The following MMD variants were observed in gnomAD, a reference collection of about 807,000 sequenced individuals.
The protein encoded by MMD is monocyte to macrophage differentiation associated.
MMD carries 22 observed loss-of-function variants against 33.6 expected under a neutral mutation model. The observed-to-expected ratio is 0.66, with a 90% CI of 0.47 to 0.94. The LOEUF is 0.94. Ranked by LOEUF, MMD falls within the 40% of genes least tolerant of loss-of-function variation. The probability of loss-of-function intolerance (pLI) is 0.00; values close to 1 mark genes in which losing one functional copy is unlikely to be tolerated. For missense variants in MMD, 242 were observed against 309.8 expected, an observed-to-expected ratio of 0.78 and a Z score of 1.64; for synonymous variants, 97 against 103.2, an observed-to-expected ratio of 0.94 and a Z score of 0.36.
intron 5 of MMD, among the ~76,000 whole-genome samples, chr17:55,402,577 G>A (rs1381418171): frequency 1.3e-5 from 2 of 152,158 alleles, no homozygotes; most frequent in Non-Finnish European, 2.9e-5. Context: ...ATGGCCAAGG[G>A]TGACTCATAC....
At chr17:55,396,198 T>A (rs1054001156) in intron 6 of MMD, among the ~76,000 whole-genome samples, 1 of 152,230 alleles carries the variant, frequency 6.6e-6, no homozygotes, top group Non-Finnish European at 1.5e-5. Flanking sequence ...ACAGAATTTT[T>A]TTTTCATTAT....
Position 55,411,280 on chromosome 17 carries a change from T to C in MMD, c.246A>G (p.Val82=). 2 of 1,613,554 alleles carry C rather than the reference T, an allele frequency of 1.2e-6. No individual in the cohort carries two copies. Among genetic ancestry groups the C allele is most frequent in the East Asian group, 2.2e-5 (1 of 44,884 alleles). The change falls in exon 3 of 7, where the codon GTA becomes GTG. Residue 82 remains valine (V), a synonymous_variant. Transcript: ENST00000262065. ...LFIVSTVFHI[V]SWKKSHLRTV... ...ACCTTAAGTGGCTCTTTTTCCATGATACAATGTGAAATACTGTAGAAACGA... is the reference window on the plus strand; with the variant it reads ...ACCTTAAGTGGCTCTTTTTCCATGACACAATGTGAAATACTGTAGAAACGA...
chr17:55,395,030 T>G (rs1907048165), intron 6 of MMD, among the ~76,000 whole-genome samples: 1 of 152,236 alleles, frequency 6.6e-6, no homozygotes, highest in Non-Finnish European at 1.5e-5. Flanking sequence ...TATGTGAGCT[T>G]ATAGATTCCT....
chr17:55,415,372 T>C (rs1245100415), intron 1 of MMD, among the ~76,000 whole-genome samples: 2 of 152,034 alleles, frequency 1.3e-5, no homozygotes, highest in East Asian at 3.9e-4. Flanking sequence ...CTTTGCACAA[T>C]AAATAATCCT....
chr17:55,412,697 T>A (rs1193295180), intron 2 of MMD, among the ~76,000 whole-genome samples: 2 of 152,236 alleles, frequency 1.3e-5, no homozygotes. Flanking sequence ...GAAGTTTTCG[T>A]TGGCCCAAGC....
chr17:55,416,570 A>G (rs1907975354), intron 1 of MMD, among the ~76,000 whole-genome samples: 1 of 152,292 alleles, frequency 6.6e-6, no homozygotes, highest in South Asian at 2.1e-4. Flanking sequence ...GGAAAGTACA[A>G]TACAATTTTC....
chr17:55,404,962 T>C (rs1415958081), intron 4 of MMD, among the ~76,000 whole-genome samples: 3 of 152,088 alleles, frequency 2.0e-5, no homozygotes, highest in African/African-American at 7.2e-5. Flanking sequence ...CTAGGGAGGC[T>C]GAGGCAGGAG....
chr17:55,409,608 T>A (rs1373571080), intron 3 of MMD, among the ~76,000 whole-genome samples: 1 of 152,206 alleles, frequency 6.6e-6, no homozygotes, highest in African/African-American at 2.4e-5. Context: ...GCAAATTCCC[T>A]TCTCACTTTT....
Position 55,394,194 on chromosome 17 carries a change from A to G in MMD, c.*140T>C. On this transcript the variant is annotated 3_prime_UTR_variant, in exon 7 of 7. Coordinates refer to ENST00000262065, the MANE Select transcript of MMD (RefSeq NM_012329.3). ...GAAAATTCCAGAACACAGCCTTTAT[A>G]CTTTCACAGTAATTATATTCAAAAG... 1 of 635,260 alleles carries G rather than the reference A, an allele frequency of 1.6e-6. No homozygotes were observed. The highest frequency in any genetic ancestry group is 2.4e-6 in the Non-Finnish European group (1 of 412,138). 39.4% of individuals were successfully genotyped at this position (635,260 alleles called of 1,614,324 possible).
At position 55,421,768 on chromosome 17, in the gene MMD, T is replaced by C; in HGVS notation, c.-73A>G. The C allele has an allele frequency of 6.7e-7, 1 of 1,495,036 alleles. No homozygotes were observed. The highest frequency in any genetic ancestry group is 8.9e-7 in the Non-Finnish European group (1 of 1,121,618). 92.6% of individuals were successfully genotyped at this position (1,495,036 alleles called of 1,614,324 possible). On this transcript the variant is annotated 5_prime_UTR_variant, in exon 1 of 7. The change abolishes an upstream ATG in the 5' untranslated region. Coordinates refer to ENST00000262065, the MANE Select transcript of MMD (RefSeq NM_012329.3). ...CCGGCGGCCGGGCGCGCGGCCCTCA[T>C]GGGCTTGGGCTGCTCCGGAGGCCGC...
At chr17:55,406,196 A>G (rs1246129804) in intron 4 of MMD, among the ~76,000 whole-genome samples, 1 of 151,774 alleles carries the variant, frequency 6.6e-6, no homozygotes, top group Non-Finnish European at 1.5e-5. Context: ...GGAGTTTGAG[A>G]CCAGCCTGGG....
chr17:55,402,402 A>T (rs1239173931), intron 5 of MMD, among the ~76,000 whole-genome samples: 1 of 152,194 alleles, frequency 6.6e-6, no homozygotes, highest in East Asian at 1.9e-4. Context: ...AGATCTAAAA[A>T]CCCTAAGAAA....
chr17:55,414,334 G>A (rs1324236595), intron 1 of MMD, 102 bp from the exon 2 acceptor site: 2 of 1,096,422 alleles, frequency 1.8e-6, no homozygotes, highest in African/African-American at 1.6e-5. Flanking sequence ...GCAAAGAAGT[G>A]ACTGGTGGAA....
At position 55,404,530 on chromosome 17, in the gene MMD, A is replaced by G. The variant is rs188379476; in HGVS notation, c.345-662T>C. On this transcript the variant is annotated intron_variant, in intron 4 of 6. Transcript: ENST00000262065. Reference sequence around the variant, plus strand: ...TGTATTTGGGAGCAGATTACTTACAAACCTTAATGAGAAGAACCTGGAACA... The same window carrying G: ...TGTATTTGGGAGCAGATTACTTACAGACCTTAATGAGAAGAACCTGGAACA... The G allele has an allele frequency of 1.5e-4, 143 of 985,302 alleles. No homozygotes were observed. The Middle Eastern group carries it at 4.2e-3, about 29-fold the overall frequency. 61.0% of individuals were successfully genotyped at this position (985,302 alleles called of 1,614,324 possible).
chr17:55,411,506 C>T (rs975786830), intron 2 of MMD, 89 bp from the exon 3 acceptor site: 5 of 1,367,032 alleles, frequency 3.7e-6, no homozygotes, highest in East Asian at 2.5e-5. Flanking sequence ...TTACCAGGAA[C>T]AATTTTAGTA....
chr17:55,394,369 A>G lies in MMD; in HGVS notation c.682T>C (p.Tyr228His), dbSNP rs1299770600. The stretch of plus-strand genomic sequence containing the variant: ...CGCATAAAGTCCGTAGGACTTCGGT[A>G]AAGGTATTTCCAAATGGCGTAGTAA... The part of the protein sequence containing the change: ...VHYYAIWKYL[Y>H]RSPTDFMRHL Residue 228 changes from tyrosine (Y) to histidine (H), a missense_variant, in exon 7 of 7, where the codon TAC becomes CAC. Tyr to His is a moderately conservative substitution (Grantham distance 83, BLOSUM62 2). Coordinates refer to ENST00000262065, the MANE Select transcript of MMD (RefSeq NM_012329.3). 1 of 1,418,502 alleles carries G rather than the reference A, an allele frequency of 7.0e-7. No homozygotes were observed. The highest frequency in any genetic ancestry group is 9.2e-7 in the Non-Finnish European group (1 of 1,082,672). The allele number at this position is 1,418,502 out of a possible 1,614,324, so 87.9% of individuals were successfully genotyped here.
chr17:55,404,061 G>C (rs774522413), intron 4 of MMD, among the ~76,000 whole-genome samples, 193 bp from the exon 5 acceptor site: 24 of 152,126 alleles, frequency 1.6e-4, no homozygotes, highest in Non-Finnish European at 3.1e-4. Flanking sequence ...CGACCTTTAA[G>C]ACTCAGAATT....
intron 6 of MMD, 67 bp from the exon 7 acceptor site, chr17:55,394,601 G>C (rs1354604183): frequency 2.4e-6 from 3 of 1,236,492 alleles, no homozygotes; most frequent in Non-Finnish European, 3.2e-6. Flanking sequence ...ACAGATAACT[G>C]TAATTCTCTC....
chr17:55,401,572 T>C (rs757904567), intron 5 of MMD, 34 bp from the exon 6 acceptor site: 1 of 1,520,200 alleles, frequency 6.6e-7, no homozygotes, highest in Non-Finnish European at 9.0e-7. Context: ...ATTTAACTTA[T>C]AAATTTCTAT....
Sources: allele counts gnomAD v4.1 joint callset (sites outside exome capture counted in the v4.1 genomes callset), GRCh38; gene constraint gnomAD v4.1.1; transcripts MANE v1.5; gene names NCBI Gene and HGNC (gene_info 2026-07-23, HGNC 2026-07-21).